Variants in FER1L6 observed in about 807,000 individuals in gnomAD.
FER1L6 encodes fer-1 like family member 6, also known as fer-1-like protein 6.
A neutral mutation model predicts 219.2 loss-of-function variants in FER1L6; 177 were observed. The observed-to-expected ratio is 0.81, with a 90% CI of 0.71 to 0.91. The LOEUF is 0.91. Among genes scored for constraint, FER1L6 ranks in the 40% least tolerant of loss-of-function variants. The pLI is 0.00. For missense variants in FER1L6, 2,153 were observed against 2,259.9 expected, an observed-to-expected ratio of 0.95 and a Z score of 0.96; for synonymous variants, 768 against 824.3, an observed-to-expected ratio of 0.93 and a Z score of 1.17.
At chr8:123,961,385 A>G (rs1815269653) in intron 2 of FER1L6, among the ~76,000 whole-genome samples, 1 of 152,256 alleles carries the variant, frequency 6.6e-6, no homozygotes, top group Non-Finnish European at 1.5e-5. Context: ...AATGAAGCTC[A>G]GAGAATAAAT....
intron 33 of FER1L6, among the ~76,000 whole-genome samples, chr8:124,085,986 GTTC>G (rs1273860781): frequency 6.6e-6 from 1 of 151,990 alleles, no homozygotes; most frequent in Admixed American, 6.6e-5. Context: ...TCCTTTTATA[GTTC>G]TTGTCTTGAA....
At chr8:124,059,398 T>TC (rs1410515383) in intron 22 of FER1L6, among the ~76,000 whole-genome samples, 122 of 152,376 alleles carry the variant, frequency 8.0e-4, no homozygotes, top group Non-Finnish European at 1.4e-3. Flanking sequence ...CATTGAATGG[T>TC]AGAAGCAGCT....
intron 15 of FER1L6, chr8:124,014,305 A>C (rs1356574860): frequency 6.5e-6 from 1 of 152,674 alleles, no homozygotes; most frequent in Admixed American, 6.5e-5. Context: ...TGAGGGATGA[A>C]GCTGCACAGG....
chr8:124,046,529 A>T (rs1007092523), intron 21 of FER1L6: 3 of 152,190 alleles, frequency 2.0e-5, no homozygotes, highest in Non-Finnish European at 4.4e-5. Context: ...TTCTTAAATT[A>T]GGTAGTCTAA....
intron 22 of FER1L6, among the ~76,000 whole-genome samples, chr8:124,050,619 T>C (rs569676852): frequency 1.2e-4 from 18 of 152,250 alleles, no homozygotes; most frequent in African/African-American, 4.1e-4. Context: ...TATTATATAA[T>C]AGAATTCTAT....
chr8:124,034,266 T>C (rs1009213213), intron 18 of FER1L6, among the ~76,000 whole-genome samples: 2 of 152,028 alleles, frequency 1.3e-5, no homozygotes, highest in Non-Finnish European at 1.5e-5. Context: ...CTAAGTGCCA[T>C]AGGTTACTCT....
chr8:123,884,480 C>T (rs1817164675), intron 1 of FER1L6, among the ~76,000 whole-genome samples: 1 of 152,150 alleles, frequency 6.6e-6, no homozygotes, highest in African/African-American at 2.4e-5. Flanking sequence ...AAGGCAGAGG[C>T]AGAATTGCTC....
In FER1L6 at chr8:123,985,922, T is replaced by C; in HGVS notation, c.1411-146T>C. Reference sequence around the variant, plus strand: ...CAGATCCTGATTCATACATGTCTTATTTGGGGGGAAACGCTGTGCCATTTC... The same window carrying C: ...CAGATCCTGATTCATACATGTCTTACTTGGGGGGAAACGCTGTGCCATTTC... On this transcript the variant is annotated intron_variant, in intron 11 of 40. Transcript: ENST00000522917. 5.0e-6 allele frequency: 3 copies of C among 603,224 alleles called. No homozygotes were observed. The South Asian group carries it at 6.2e-5, about 12-fold the overall frequency. The allele number at this position is 603,224 out of a possible 1,614,324, so 37.4% of individuals were successfully genotyped here. A position where few individuals can be genotyped will look rare whatever the true frequency, so the allele number is the denominator to read the frequency against.
At chr8:123,862,718 G>T (rs1426938401) in intron 1 of FER1L6, among the ~76,000 whole-genome samples, 1 of 133,454 alleles carries the variant, frequency 7.5e-6, no homozygotes, top group Non-Finnish European at 1.6e-5. Flanking sequence ...GAGAGTGTAT[G>T]TGTCGAGGAA....
Position 123,855,788 on chromosome 8 carries a change from G to GTA in FER1L6, c.-8+3617_-8+3618dup, listed in dbSNP as rs750993470. On this transcript the variant is annotated intron_variant, in intron 1 of 40. Coordinates refer to ENST00000522917, the MANE Select transcript of FER1L6 (RefSeq NM_001039112.2). ...TGTGTGTATATATATGTGTGTGTGTGTATATATATATATATGTGTATATAT... is the reference window on the plus strand; with the variant it reads ...TGTGTGTATATATATGTGTGTGTGTGTATATATATATATATATGTGTATATAT... Among the ~76,000 whole-genome samples, 198 of 143,880 alleles carry GTA rather than the reference G, an allele frequency of 1.4e-3. 1 individual carries two copies. The highest frequency in any genetic ancestry group is 2.0e-3 in the Non-Finnish European group (137 of 66,862). 94.4% of individuals were successfully genotyped at this position (143,880 alleles called of 152,430 possible).
intron 12 of FER1L6, among the ~76,000 whole-genome samples, chr8:123,991,898 T>C (rs918368603): frequency 2.0e-5 from 3 of 152,156 alleles, no homozygotes; most frequent in Non-Finnish European, 4.4e-5. Flanking sequence ...TTTGAGGGTT[T>C]TTTTTTAAAT....
chr8:123,947,215 G>A (rs868809277), intron 1 of FER1L6, among the ~76,000 whole-genome samples: 1 of 151,586 alleles, frequency 6.6e-6, no homozygotes, highest in African/African-American at 2.4e-5. Context: ...GAACCTGGGA[G>A]GTGGAGGGCA....
chr8:123,991,697 T>G (rs1254967382), intron 12 of FER1L6, among the ~76,000 whole-genome samples: 1 of 152,214 alleles, frequency 6.6e-6, no homozygotes, highest in Non-Finnish European at 1.5e-5. Context: ...TTCTCTTGCC[T>G]GATTGCTCTG....
At chr8:124,038,048 A>G (rs570197204) in intron 19 of FER1L6, among the ~76,000 whole-genome samples, 3 of 152,292 alleles carry the variant, frequency 2.0e-5, no homozygotes, top group Admixed American at 2.0e-4. Context: ...CAGACTTTCA[A>G]GAGTTTCCGA....
chr8:124,086,051 G>A (rs982729054), intron 33 of FER1L6, among the ~76,000 whole-genome samples: 2 of 151,868 alleles, frequency 1.3e-5, no homozygotes, highest in Non-Finnish European at 2.9e-5. Context: ...TATTCCATTT[G>A]CATGTTAGAT....
At chr8:123,928,869 A>C (rs563714093) in intron 1 of FER1L6, among the ~76,000 whole-genome samples, 1 of 152,328 alleles carries the variant, frequency 6.6e-6, no homozygotes, top group South Asian at 2.1e-4. Context: ...TCATTTACTT[A>C]AACTGATATG....
rs1816521933 is a variant in FER1L6, at chr8:123,852,202, T to C, written c.-8+17T>C. On this transcript the variant is annotated intron_variant, in intron 1 of 40. Transcript: ENST00000522917. This position sits in a 1 kb window ranked among gnomAD's most constrained non-coding sequence, Gnocchi z 4.9. ...AGGCATTTTGTAAGTCCATAGATAATAGATTCTACAGAAGCATTGTGTGCA... is the reference window on the plus strand; with the variant it reads ...AGGCATTTTGTAAGTCCATAGATAACAGATTCTACAGAAGCATTGTGTGCA... 6.6e-6 allele frequency: 1 copy of C among 152,196 alleles called. No homozygotes were observed. Among genetic ancestry groups the C allele is most frequent in the Non-Finnish European group, 1.5e-5 (1 of 68,072 alleles). The allele number at this position is 152,196 out of a possible 1,614,324, so 9.4% of individuals were successfully genotyped here.
chr8:124,079,551 A>G (rs1262337021), intron 32 of FER1L6, among the ~76,000 whole-genome samples: 1 of 152,164 alleles, frequency 6.6e-6, no homozygotes, highest in Admixed American at 6.5e-5. Flanking sequence ...ACTGACCGTC[A>G]CCCTGTGAGT....
intron 2 of FER1L6, among the ~76,000 whole-genome samples, chr8:123,958,118 C>T (rs1815100088): frequency 6.6e-6 from 1 of 152,254 alleles, no homozygotes; most frequent in Non-Finnish European, 1.5e-5. Flanking sequence ...GTACCTCCCA[C>T]AATCATCCCT....
Sources: allele counts gnomAD v4.1 joint callset (sites outside exome capture counted in the v4.1 genomes callset), GRCh38; gene constraint gnomAD v4.1.1; non-coding constraint Gnocchi (gnomAD v3.1); transcripts MANE v1.5; gene names NCBI Gene and HGNC (gene_info 2026-07-23, HGNC 2026-07-21).